CLSTN2: variants seen among roughly 807,000 people sequenced by gnomAD.
CLSTN2 encodes calsyntenin-2.
A neutral mutation model predicts 101.2 loss-of-function variants in CLSTN2; 48 were observed. The ratio of observed to expected loss-of-function variants is 0.47; its 90% confidence interval spans 0.38 to 0.60. The LOEUF is 0.60. Among genes scored for constraint, CLSTN2 ranks in the 20% least tolerant of loss-of-function variants. CLSTN2 has a pLI of 0.00. For synonymous variants in CLSTN2, 481 were observed against 463.6 expected (o/e 1.04, Z -0.48); for missense variants, 1,160 against 1,238.2 (o/e 0.94, Z 0.95).
At chr3:139,998,184 T>C (rs1405542574) in intron 1 of CLSTN2, among the ~76,000 whole-genome samples, 3 of 152,008 alleles carry the variant, frequency 2.0e-5, no homozygotes, top group Admixed American at 6.5e-5. Context: ...AACAGAACTT[T>C]GTGTGGAGAA....
At chr3:140,268,330 C>T (rs200518981) in intron 2 of CLSTN2, among the ~76,000 whole-genome samples, 2 of 152,188 alleles carry the variant, frequency 1.3e-5, no homozygotes, top group East Asian at 3.9e-4. Flanking sequence ...ATCATTCGTC[C>T]AGCAGTACAA....
intron 6 of CLSTN2, among the ~76,000 whole-genome samples, chr3:140,457,285 C>T (rs962971435): frequency 3.9e-5 from 6 of 152,184 alleles, no homozygotes; most frequent in Admixed American, 2.0e-4. Context: ...TCTCTCTGGC[C>T]GTCCCAGGTT....
chr3:140,090,145 G>C (rs779507027), intron 1 of CLSTN2, among the ~76,000 whole-genome samples: 2 of 150,834 alleles, frequency 1.3e-5, no homozygotes, highest in Non-Finnish European at 3.0e-5. Flanking sequence ...TTTCTGGCAG[G>C]AGGTGGGTTG....
chr3:140,185,397 C>A, intron 2 of CLSTN2, among the ~76,000 whole-genome samples: 1 of 152,192 alleles, frequency 6.6e-6, no homozygotes, highest in East Asian at 1.9e-4. Flanking sequence ...GAAGACTCAA[C>A]AAGCTCCAAG....
At chr3:140,050,933 G>C (rs1468817696) in intron 1 of CLSTN2, among the ~76,000 whole-genome samples, 2 of 152,150 alleles carry the variant, frequency 1.3e-5, no homozygotes, top group Non-Finnish European at 1.5e-5. Flanking sequence ...GCTAAACAGG[G>C]GTAAACAAGG....
chr3:140,565,450 A>G (rs1232119517), intron 16 of CLSTN2, among the ~76,000 whole-genome samples: 1 of 152,128 alleles, frequency 6.6e-6, no homozygotes, highest in Non-Finnish European at 1.5e-5. Flanking sequence ...CAAAAGCTGG[A>G]GGGAGGGGGA....
At chr3:140,510,401 G>C (rs890555105) in intron 8 of CLSTN2, among the ~76,000 whole-genome samples, 4 of 152,202 alleles carry the variant, frequency 2.6e-5, no homozygotes, top group African/African-American at 9.6e-5. Flanking sequence ...CGGTGCTAGA[G>C]TGCTAGGCAC....
At chr3:140,312,288 T>C (rs2087176763) in intron 2 of CLSTN2, among the ~76,000 whole-genome samples, 1 of 152,240 alleles carries the variant, frequency 6.6e-6, no homozygotes, top group African/African-American at 2.4e-5. Context: ...TTGGCATGTA[T>C]GGATTCTGCA....
intron 2 of CLSTN2, among the ~76,000 whole-genome samples, chr3:140,310,263 C>T (rs541616354): frequency 6.6e-6 from 1 of 152,192 alleles, no homozygotes; most frequent in South Asian, 2.1e-4. Flanking sequence ...CCAAACTGGC[C>T]CATAGGCGCC....
At chr3:140,371,095 C>G (rs2087850961) in intron 2 of CLSTN2, among the ~76,000 whole-genome samples, 1 of 152,308 alleles carries the variant, frequency 6.6e-6, no homozygotes, top group African/African-American at 2.4e-5. Flanking sequence ...AATTTTCTCA[C>G]TTCCAGAGGC....
chr3:140,210,407 A>G (rs932467636), intron 2 of CLSTN2, among the ~76,000 whole-genome samples: 6 of 152,230 alleles, frequency 3.9e-5, no homozygotes, highest in Non-Finnish European at 8.8e-5. Context: ...ATGCTAAGAA[A>G]CATCTGGAAG....
At chr3:140,125,862 G>T (rs190176309) in intron 1 of CLSTN2, among the ~76,000 whole-genome samples, 1 of 152,214 alleles carries the variant, frequency 6.6e-6, no homozygotes, top group East Asian at 1.9e-4. Context: ...TTGGAAAGGA[G>T]CACTACATGC....
At chr3:140,560,846 T>C (rs1443358410) in intron 12 of CLSTN2, among the ~76,000 whole-genome samples, 1 of 152,136 alleles carries the variant, frequency 6.6e-6, no homozygotes. Context: ...GGGAAGGCCA[T>C]TGAAATAAAG....
At chr3:140,515,864 G>A (rs1241380645) in intron 8 of CLSTN2, among the ~76,000 whole-genome samples, 1 of 152,040 alleles carries the variant, frequency 6.6e-6, no homozygotes, top group Non-Finnish European at 1.5e-5. Flanking sequence ...TTCATTCTAA[G>A]TTATAGTTTA....
At chr3:140,314,732 A>T (rs1227134192) in intron 2 of CLSTN2, among the ~76,000 whole-genome samples, 1 of 151,952 alleles carries the variant, frequency 6.6e-6, no homozygotes, top group Non-Finnish European at 1.5e-5. Flanking sequence ...AATAGTGGAC[A>T]CTCCCTTAAG....
intron 2 of CLSTN2, among the ~76,000 whole-genome samples, chr3:140,289,111 T>G (rs1057143890): frequency 6.6e-6 from 1 of 152,214 alleles, no homozygotes; most frequent in Non-Finnish European, 1.5e-5. Context: ...CTAATGTGAC[T>G]GCTTACTGTG....
intron 2 of CLSTN2, among the ~76,000 whole-genome samples, chr3:140,358,029 G>C (rs1179489869): frequency 6.6e-6 from 1 of 152,164 alleles, no homozygotes; most frequent in Non-Finnish European, 1.5e-5. Context: ...CATGTCACAT[G>C]GGGGTTAAGC....
chr3:140,516,486 A>G (rs1934918737), intron 8 of CLSTN2, among the ~76,000 whole-genome samples: 2 of 151,288 alleles, frequency 1.3e-5, no homozygotes, highest in Admixed American at 1.3e-4. Context: ...GATATGTTTC[A>G]AGATTTAGAG....
At chr3:140,365,446 G>A (rs141934077) in intron 2 of CLSTN2, among the ~76,000 whole-genome samples, 1 of 152,270 alleles carries the variant, frequency 6.6e-6, no homozygotes, top group East Asian at 1.9e-4. Context: ...AATGCAATGT[G>A]ACTTACGCAG....
Sources: allele counts gnomAD v4.1 joint callset (sites outside exome capture counted in the v4.1 genomes callset), GRCh38; gene constraint gnomAD v4.1.1; transcripts MANE v1.5; gene names NCBI Gene and HGNC (gene_info 2026-07-23, HGNC 2026-07-21).